KCNIP4: variants seen among roughly 807,000 people sequenced by gnomAD.
KCNIP4 encodes potassium voltage-gated channel interacting protein 4, also known as Kv channel-interacting protein 4.
KCNIP4 carries 12 observed loss-of-function variants against 34.0 expected under a neutral mutation model. That is an observed-to-expected ratio of 0.35 (90% CI 0.23 to 0.57). KCNIP4 has a LOEUF of 0.57. KCNIP4 is among the 20% of genes least tolerant of loss of function. The pLI is 0.83. For synonymous variants in KCNIP4, 124 were observed against 102.2 expected, an observed-to-expected ratio of 1.21 and a Z score of -1.29; for missense variants, 238 against 311.7, an observed-to-expected ratio of 0.76 and a Z score of 1.78.
intron 1 of KCNIP4, among the ~76,000 whole-genome samples, chr4:21,853,959 C>T (rs534752224): frequency 5.3e-5 from 8 of 152,042 alleles, no homozygotes; most frequent in Admixed American, 2.6e-4. Flanking sequence ...GGCCTTGAGA[C>T]GATAGAAGAA....
intron 1 of KCNIP4, among the ~76,000 whole-genome samples, chr4:21,327,060 AAT>A (rs1285906600): frequency 4.6e-5 from 7 of 152,040 alleles, no homozygotes; most frequent in Non-Finnish European, 8.8e-5. Flanking sequence ...GCTTTTACTC[AAT>A]ATATGAGTAG....
At chr4:20,859,799 A>T (rs1371174542) in intron 2 of KCNIP4, among the ~76,000 whole-genome samples, 1 of 152,210 alleles carries the variant, frequency 6.6e-6, no homozygotes, top group Non-Finnish European at 1.5e-5. Flanking sequence ...TGCCTTACGA[A>T]CAAATATGAG....
At chr4:21,879,409 C>T (rs555547103) in intron 1 of KCNIP4, among the ~76,000 whole-genome samples, 73 of 152,328 alleles carry the variant, frequency 4.8e-4, no homozygotes, top group African/African-American at 1.7e-3. Flanking sequence ...TGAGTCACTC[C>T]TCTCAAATCA....
intron 1 of KCNIP4, among the ~76,000 whole-genome samples, chr4:21,357,228 G>A (rs1048945467): frequency 6.6e-6 from 1 of 152,100 alleles, no homozygotes; most frequent in Non-Finnish European, 1.5e-5. Context: ...AGAAAACTTA[G>A]GCAATACCAT....
At chr4:21,105,437 C>T (rs1486294013) in intron 1 of KCNIP4, among the ~76,000 whole-genome samples, 1 of 151,638 alleles carries the variant, frequency 6.6e-6, no homozygotes, top group Non-Finnish European at 1.5e-5. Context: ...GATTTTTGCA[C>T]ATCAATTTTG....
chr4:21,115,466 T>C (rs1749601117), intron 1 of KCNIP4, among the ~76,000 whole-genome samples: 1 of 152,190 alleles, frequency 6.6e-6, no homozygotes, highest in Admixed American at 6.6e-5. Flanking sequence ...TATAACAAAG[T>C]ATTTTCACAT....
At chr4:21,753,167 G>A (rs1381868442) in intron 1 of KCNIP4, among the ~76,000 whole-genome samples, 2 of 152,108 alleles carry the variant, frequency 1.3e-5, no homozygotes, top group Non-Finnish European at 2.9e-5. Flanking sequence ...AGCAGGGCAG[G>A]GTAAAGTGTA....
chr4:21,339,847 A>T (rs538715528), intron 1 of KCNIP4, among the ~76,000 whole-genome samples: 1 of 152,198 alleles, frequency 6.6e-6, no homozygotes, highest in Non-Finnish European at 1.5e-5. Flanking sequence ...TTTGAATTAC[A>T]TAACTGGTGC....
In KCNIP4 at chr4:21,506,951, C is replaced by T. The variant is rs1172122103; in HGVS notation, c.61+441620G>A. Among the ~76,000 whole-genome samples the T allele has an allele frequency of 2.6e-5, 4 of 152,026 alleles. No homozygotes were observed. The South Asian group carries it at 8.3e-4, about 32-fold the overall frequency. On this transcript the variant is annotated intron_variant, in intron 1 of 8. Coordinates refer to ENST00000382152, the MANE Select transcript of KCNIP4 (RefSeq NM_025221.6). ...GGACTACAGGTGTGCACCACCACATCCGTCTTTTTTTGTGTGTGTGCAGAT... is the reference window on the plus strand; with the variant it reads ...GGACTACAGGTGTGCACCACCACATTCGTCTTTTTTTGTGTGTGTGCAGAT...
intron 1 of KCNIP4, among the ~76,000 whole-genome samples, chr4:21,039,604 TC>T (rs963482320): frequency 2.4e-4 from 36 of 152,272 alleles, no homozygotes; most frequent in African/African-American, 8.2e-4. Flanking sequence ...CTGGAAAATT[TC>T]CAGTTGTTAT....
chr4:21,216,532 A>C (rs185150808), intron 1 of KCNIP4, among the ~76,000 whole-genome samples: 62 of 152,354 alleles, frequency 4.1e-4, no homozygotes, highest in African/African-American at 1.4e-3. Context: ...ATTCTTGTGA[A>C]GACACGGGGA....
In KCNIP4 at chr4:21,217,998, T is replaced by TA. The variant is rs1553835621; in HGVS notation, c.62-335290dup. On this transcript the variant is annotated intron_variant, in intron 1 of 8. Coordinates refer to ENST00000382152, the MANE Select transcript of KCNIP4 (RefSeq NM_025221.6). ...CATCCCCCTGTATAGTTTTTTTTTT[T>TA]AAATTTATTTATTTATTTATTATTA... 2.0e-3 allele frequency among the ~76,000 whole-genome samples: 299 copies of TA among 149,490 alleles called. 1 individual carries two copies. The highest frequency in any genetic ancestry group is 2.7e-3 in the Non-Finnish European group (181 of 67,380).
At chr4:21,293,427 T>C (rs1763657034) in intron 1 of KCNIP4, among the ~76,000 whole-genome samples, 2 of 152,162 alleles carry the variant, frequency 1.3e-5, no homozygotes, top group South Asian at 2.1e-4. Context: ...TAAGTCCGAG[T>C]TCAACTGAGT....
chr4:21,477,250 C>T lies in KCNIP4; in HGVS notation c.61+471321G>A, dbSNP rs564258540. Among the ~76,000 whole-genome samples, 12 of 152,282 alleles carry T rather than the reference C, an allele frequency of 7.9e-5. No homozygotes were observed. The South Asian group carries it at 2.1e-3, about 26-fold the overall frequency. On this transcript the variant is annotated intron_variant, in intron 1 of 8. Coordinates refer to ENST00000382152, the MANE Select transcript of KCNIP4 (RefSeq NM_025221.6). ...ACCATCTTGGCTAAACTTTATGCAG[C>T]TCCCTAGGGCAACTTTGCATTGCCA...
At chr4:20,785,315 T>C (rs1011245035) in intron 3 of KCNIP4, among the ~76,000 whole-genome samples, 2 of 142,686 alleles carry the variant, frequency 1.4e-5, no homozygotes, top group African/African-American at 5.2e-5. Flanking sequence ...TGCTTTTCTT[T>C]GGATTTTTTT....
Position 21,528,783 on chromosome 4 carries a change from GAAAGGAAGAAAGGAAGA to G in KCNIP4, c.61+419771_61+419787del, listed in dbSNP as rs1560490280. 2.2e-4 allele frequency among the ~76,000 whole-genome samples: 4 copies of G among 18,348 alleles called. 1 individual carries two copies. Among genetic ancestry groups the G allele is most frequent in the African/African-American group, 6.3e-4 (3 of 4,776 alleles). 12.0% of individuals were successfully genotyped at this position (18,348 alleles called of 152,430 possible). A position where few individuals can be genotyped will look rare whatever the true frequency, so the allele number is the denominator to read the frequency against. On this transcript the variant is annotated intron_variant, in intron 1 of 8. Coordinates refer to ENST00000382152, the MANE Select transcript of KCNIP4 (RefSeq NM_025221.6). ...AGAAAGAAAGAAAGAAAGAAAGGAA[GAAAGGAAGAAAGGAAGA>G]AAGGAAGGAAGGAAGGAAGGAAGGA...
intron 1 of KCNIP4, among the ~76,000 whole-genome samples, chr4:21,177,657 C>T (rs889483024): frequency 3.3e-5 from 5 of 151,568 alleles, no homozygotes; most frequent in Admixed American, 6.6e-5. Flanking sequence ...TGACAAAACC[C>T]GGTCTCTACT....
At chr4:21,016,627 C>T (rs548464315) in intron 1 of KCNIP4, among the ~76,000 whole-genome samples, 3 of 151,562 alleles carry the variant, frequency 2.0e-5, no homozygotes, top group East Asian at 2.0e-4. Context: ...TTATTTTTTT[C>T]GGATGGAGTC....
chr4:21,737,103 G>A (rs1385544703), intron 1 of KCNIP4, among the ~76,000 whole-genome samples: 1 of 152,120 alleles, frequency 6.6e-6, no homozygotes, highest in Non-Finnish European at 1.5e-5. Context: ...CAGATGTTGG[G>A]TGACCTGGTG....
Sources: allele counts gnomAD v4.1 joint callset (sites outside exome capture counted in the v4.1 genomes callset), GRCh38; gene constraint gnomAD v4.1.1; transcripts MANE v1.5; gene names NCBI Gene and HGNC (gene_info 2026-07-23, HGNC 2026-07-21).